The following LGSN variants were observed in gnomAD, a reference collection of about 807,000 sequenced individuals.
LGSN encodes the protein lengsin, lens protein with glutamine synthetase domain.
LGSN carries 21 observed loss-of-function variants against 19.5 expected under a neutral mutation model. The observed-to-expected ratio is 1.07, with a 90% CI of 0.76 to 1.55. The LOEUF (loss-of-function observed/expected upper bound fraction) is 1.55, where lower values mean the gene tolerates loss of function less well. Among genes scored for constraint, LGSN ranks in the 40% most tolerant of loss-of-function variants. LGSN has a pLI of 0.00. For synonymous variants in LGSN, 257 were observed against 215.6 expected (o/e 1.19, Z -1.68); for missense variants, 673 against 608.5 (o/e 1.11, Z -1.12).
In LGSN at chr6:63,285,681, G is replaced by C. The variant is rs1392714391; in HGVS notation, c.236C>G (p.Ala79Gly). 3.7e-6 allele frequency: 6 copies of C among 1,613,816 alleles called. No individual in the cohort carries two copies. Among genetic ancestry groups the C allele is most frequent in the African/African-American group, 1.3e-5 (1 of 74,878 alleles). The part of the protein sequence containing the change: ...LSSRMKHIRQ[A>G]MAKNRLQFVR... ...AAACTGGAGGCGATTTTTGGCCATG[G>C]CTTGTCTAATGTGTTTCATTCTAGA... The change falls in exon 3 of 4, where the codon GCC (alanine) becomes GGC (glycine). Residue 79 changes from alanine to glycine, a missense_variant. Ala to Gly is a moderately conservative substitution (Grantham distance 60, BLOSUM62 0). Coordinates refer to ENST00000370657, the MANE Select transcript of LGSN (RefSeq NM_016571.3).
intron 1 of LGSN, among the ~76,000 whole-genome samples, chr6:63,298,350 A>G (rs759908331): frequency 6.6e-6 from 1 of 152,218 alleles, no homozygotes; most frequent in Non-Finnish European, 1.5e-5. Flanking sequence ...GTCATGACAG[A>G]CACTGGACTG....
chr6:63,541,357 A>G, the LGSN span, among the ~76,000 whole-genome samples: 3 of 152,074 alleles, frequency 2.0e-5, no homozygotes, highest in Non-Finnish European at 4.4e-5. Context: ...GTTCAAGAGC[A>G]GCCTGGCCAA....
At chr6:63,327,011 C>A in the LGSN span, among the ~76,000 whole-genome samples, 1 of 152,236 alleles carries the variant, frequency 6.6e-6, no homozygotes, top group Non-Finnish European at 1.5e-5. Context: ...CACGCTGTCA[C>A]CTCTCAATCC....
intron 2 of LGSN, among the ~76,000 whole-genome samples, chr6:63,289,977 C>T (rs986245057): frequency 1.3e-5 from 2 of 151,572 alleles, no homozygotes; most frequent in African/African-American, 4.9e-5. Context: ...GTTGGAAAGC[C>T]CAGGTGGCAG....
At chr6:63,426,484 G>C in the LGSN span, among the ~76,000 whole-genome samples, 1 of 149,948 alleles carries the variant, frequency 6.7e-6, no homozygotes, top group African/African-American at 2.5e-5. Flanking sequence ...GTAACTGTAG[G>C]CTGCATAAAG....
the LGSN span, among the ~76,000 whole-genome samples, chr6:63,476,706 T>C: frequency 6.6e-6 from 1 of 152,172 alleles, no homozygotes; most frequent in African/African-American, 2.4e-5. Flanking sequence ...AAGCAAACAT[T>C]CTAAGAGACC....
the LGSN span, among the ~76,000 whole-genome samples, chr6:63,483,915 G>T: frequency 6.6e-6 from 1 of 151,642 alleles, no homozygotes; most frequent in Non-Finnish European, 1.5e-5. Context: ...GAGGTACTAG[G>T]GGTTAGCACT....
chr6:63,442,121 TGTTCCTCATGTCCGGAGTTGTTG>T, the LGSN span, among the ~76,000 whole-genome samples: 1 of 152,154 alleles, frequency 6.6e-6, no homozygotes, highest in African/African-American at 2.4e-5. Context: ...TGGAGTTGTT[TGTTCCTCATGTCCGGAGTTGTTG>T]GTCCCTCCCA....
chr6:63,398,284 T>C, the LGSN span, among the ~76,000 whole-genome samples: 2 of 151,482 alleles, frequency 1.3e-5, no homozygotes, highest in African/African-American at 4.8e-5. Context: ...GAAGGCATTG[T>C]TATCACAGGA....
chr6:63,427,965 A>G, the LGSN span, among the ~76,000 whole-genome samples: 1 of 152,212 alleles, frequency 6.6e-6, no homozygotes, highest in Non-Finnish European at 1.5e-5. Flanking sequence ...CCAGTATTCA[A>G]AAAAATAACA....
chr6:63,401,084 A>C, the LGSN span, among the ~76,000 whole-genome samples: 2 of 152,194 alleles, frequency 1.3e-5, no homozygotes, highest in Admixed American at 1.3e-4. Context: ...GTCATAAGCA[A>C]ATTCAATAAA....
the LGSN span, among the ~76,000 whole-genome samples, chr6:63,495,631 G>T: frequency 1.2e-4 from 18 of 150,934 alleles, no homozygotes; most frequent in Admixed American, 1.2e-3. Context: ...TGTATTTTTA[G>T]TGGAGACAGG....
At chr6:63,468,673 C>T in the LGSN span, among the ~76,000 whole-genome samples, 1 of 152,068 alleles carries the variant, frequency 6.6e-6, no homozygotes, top group South Asian at 2.1e-4. Flanking sequence ...GGTGATCTGC[C>T]CGCCTCAGCC....
chr6:63,320,375 A>ATT (rs1769042038), upstream of LGSN, among the ~76,000 whole-genome samples: 2 of 152,222 alleles, frequency 1.3e-5, no homozygotes, highest in African/African-American at 4.8e-5. Flanking sequence ...AAATACAGCT[A>ATT]TAAGTGACCC....
At chr6:63,335,616 T>C in the LGSN span, among the ~76,000 whole-genome samples, 2 of 152,176 alleles carry the variant, frequency 1.3e-5, no homozygotes, top group Non-Finnish European at 2.9e-5. Flanking sequence ...TCACATGAGA[T>C]GTCCTATTAC....
the LGSN span, among the ~76,000 whole-genome samples, chr6:63,513,655 A>G: frequency 2.0e-5 from 3 of 152,192 alleles, no homozygotes; most frequent in African/African-American, 7.2e-5. Flanking sequence ...TCACACCTGT[A>G]ATCCCAGCAC....
At chr6:63,362,026 A>T in the LGSN span, among the ~76,000 whole-genome samples, 1 of 152,174 alleles carries the variant, frequency 6.6e-6, no homozygotes, top group Non-Finnish European at 1.5e-5. Flanking sequence ...TTTTCATTTC[A>T]AGAGGGAGCA....
the LGSN span, among the ~76,000 whole-genome samples, chr6:63,492,987 G>A: frequency 6.6e-6 from 1 of 152,178 alleles, no homozygotes; most frequent in Non-Finnish European, 1.5e-5. Flanking sequence ...AGACTATTCT[G>A]CTTTGGGTTA....
intron 1 of LGSN, among the ~76,000 whole-genome samples, chr6:63,318,725 G>T (rs541014927): frequency 3.3e-5 from 5 of 152,246 alleles, no homozygotes; most frequent in African/African-American, 1.2e-4. Flanking sequence ...ACTTTCATGG[G>T]AGCTGTATCA....
Sources: gnomAD v4.1 joint callset for allele counts (sites outside exome capture counted in the v4.1 genomes callset) on GRCh38, gnomAD v4.1.1 for gene constraint, MANE v1.5 for transcripts, NCBI Gene and HGNC (gene_info 2026-07-23, HGNC 2026-07-21) for gene names.